The following PLPP4 variants were observed in gnomAD, a reference collection of about 807,000 sequenced individuals.
PLPP4 encodes the protein diacylglycerol pyrophosphate like 2.
A neutral mutation model predicts 32.2 loss-of-function variants in PLPP4; 20 were observed. The observed-to-expected ratio is 0.62, with a 90% CI of 0.44 to 0.90. The LOEUF is 0.90. PLPP4 is among the 40% of genes least tolerant of loss of function. The pLI is 0.00. For missense variants in PLPP4, 257 were observed against 353.1 expected (o/e 0.73, Z 2.18); for synonymous variants, 127 against 133.0 (o/e 0.95, Z 0.31).
chr10:120,529,014 T>G (rs1303620522), intron 5 of PLPP4, among the ~76,000 whole-genome samples: 1 of 151,904 alleles, frequency 6.6e-6, no homozygotes, highest in Non-Finnish European at 1.5e-5. Context: ...CCTAAATAAC[T>G]GTCATTTCTA....
intron 6 of PLPP4, among the ~76,000 whole-genome samples, chr10:120,581,947 G>T (rs182403801): frequency 1.1e-3 from 173 of 152,300 alleles, no homozygotes; most frequent in African/African-American, 4.1e-3. Context: ...GCTGTATGTG[G>T]CCATGAGATC....
intron 5 of PLPP4, among the ~76,000 whole-genome samples, chr10:120,536,523 A>G (rs146005666): frequency 0.012 from 1,828 of 152,168 alleles, 26 homozygotes; most frequent in Non-Finnish European, 0.013. Flanking sequence ...ATCTTATATC[A>G]TACACAAAAA....
At chr10:120,491,169 A>G (rs1477020860) in intron 1 of PLPP4, among the ~76,000 whole-genome samples, 1 of 152,274 alleles carries the variant, frequency 6.6e-6, no homozygotes, top group East Asian at 1.9e-4. Flanking sequence ...GCTAAGGTGC[A>G]TCTGAGCTCT....
At chr10:120,587,881 C>T (rs1038156362) in intron 6 of PLPP4, among the ~76,000 whole-genome samples, 1 of 152,230 alleles carries the variant, frequency 6.6e-6, no homozygotes, top group Non-Finnish European at 1.5e-5. Flanking sequence ...AGCACTGATC[C>T]TTCAGGAAAA....
At position 120,574,182 on chromosome 10, in the gene PLPP4, T is replaced by TA. The variant is rs1849096369; in HGVS notation, c.446-949_446-948insA. On this transcript the variant is annotated intron_variant, in intron 5 of 6. Transcript: ENST00000398250. ...CACACACACACACTCTCTCTCTCTC[T>TA]CTCTCTCTCTCTCTCTCTCTCTCTC... 2.0e-4 allele frequency among the ~76,000 whole-genome samples: 21 copies of TA among 104,700 alleles called. No homozygotes were observed. In the South Asian group the frequency reaches 9.0e-3, roughly 45 times the overall value. 68.7% of individuals were successfully genotyped at this position (104,700 alleles called of 152,430 possible).
chr10:120,565,315 G>GGTGTGTGTGT (rs58655566), intron 5 of PLPP4, among the ~76,000 whole-genome samples: 40 of 142,604 alleles, frequency 2.8e-4, no homozygotes, highest in Non-Finnish European at 4.3e-4. Flanking sequence ...TTGTTTGTGT[G>GGTGTGTGTGT]GTGTGTGTGT....
At chr10:120,573,825 G>A (rs980753698) in intron 5 of PLPP4, among the ~76,000 whole-genome samples, 1 of 152,174 alleles carries the variant, frequency 6.6e-6, no homozygotes. Flanking sequence ...CTCAGCAGGT[G>A]TGGGTTGGAC....
At chr10:120,554,063 A>C (rs1322049084) in intron 5 of PLPP4, among the ~76,000 whole-genome samples, 1 of 152,148 alleles carries the variant, frequency 6.6e-6, no homozygotes, top group Non-Finnish European at 1.5e-5. Context: ...CAACTTTCTA[A>C]ATTTTTATGT....
At chr10:120,506,307 A>G (rs888095308) in intron 2 of PLPP4, among the ~76,000 whole-genome samples, 1 of 152,228 alleles carries the variant, frequency 6.6e-6, no homozygotes, top group African/African-American at 2.4e-5. Flanking sequence ...TATAATACCT[A>G]TAACACAAAG....
At chr10:120,531,895 CATAT>C (rs1554889480) in intron 5 of PLPP4, among the ~76,000 whole-genome samples, 1 of 140,370 alleles carries the variant, frequency 7.1e-6, no homozygotes, top group South Asian at 2.4e-4. Flanking sequence ...CACACACACA[CATAT>C]ATATATATAT....
chr10:120,574,164 ACACACT>A (rs59533157), intron 5 of PLPP4, among the ~76,000 whole-genome samples: 392 of 67,564 alleles, frequency 5.8e-3, no homozygotes, highest in East Asian at 9.8e-3. Context: ...ACACACACAC[ACACACT>A]CTCTCTCTCT....
chr10:120,478,298 T>G (rs1421117037), intron 1 of PLPP4, among the ~76,000 whole-genome samples: 1 of 152,300 alleles, frequency 6.6e-6, no homozygotes, highest in East Asian at 1.9e-4. Context: ...CTGGCCTGTT[T>G]CCCCAGGTGC....
intron 5 of PLPP4, among the ~76,000 whole-genome samples, chr10:120,523,099 C>T (rs532086459): frequency 6.6e-6 from 1 of 152,244 alleles, no homozygotes; most frequent in African/African-American, 2.4e-5. Flanking sequence ...AGATGAAGAC[C>T]ATCCTGGCCA....
rs1402999940 is a variant in PLPP4 at position 120,513,922 on chromosome 10, C to G, written c.177C>G (p.Phe59Leu). 3.1e-6 allele frequency: 5 copies of G among 1,613,738 alleles called. No homozygotes were observed. The African/African-American group carries it at 5.3e-5, about 17-fold the overall frequency. Residue 59 changes from phenylalanine (F) to leucine (L), a missense_variant, in exon 3 of 7, where the codon TTC becomes TTG. Physicochemically the swap from Phe to Leu is conservative, Grantham distance 22. Transcript: ENST00000398250. ...GTTATTTCTTCCAGGCAATTTCTTT[C>G]CTCACACCCCTGGCTGTTATTTGTG... ...IPTRLMFAIS[F>L]LTPLAVICVV...
chr10:120,543,595 T>A (rs1377041976), intron 5 of PLPP4, among the ~76,000 whole-genome samples: 1 of 152,068 alleles, frequency 6.6e-6, no homozygotes. Context: ...AAGGTGTAGA[T>A]TTTTTGGGTG....
chr10:120,485,520 G>A (rs1370873100), intron 1 of PLPP4, among the ~76,000 whole-genome samples: 2 of 152,190 alleles, frequency 1.3e-5, no homozygotes, highest in Non-Finnish European at 2.9e-5. Flanking sequence ...ACTGCCTGCT[G>A]GCTTAACTCA....
chr10:120,539,111 A>G (rs1589843722), intron 5 of PLPP4, among the ~76,000 whole-genome samples: 1 of 152,096 alleles, frequency 6.6e-6, no homozygotes, highest in Admixed American at 6.6e-5. Flanking sequence ...GTCCCTGCAC[A>G]CCTGTCTGAT....
chr10:120,509,245 C>T (rs1001853196), intron 2 of PLPP4, among the ~76,000 whole-genome samples: 4 of 152,144 alleles, frequency 2.6e-5, no homozygotes, highest in Admixed American at 6.5e-5. Flanking sequence ...ATATTATTAT[C>T]GTCATACCCA....
chr10:120,521,385 T>C (rs1846148355), intron 5 of PLPP4, among the ~76,000 whole-genome samples: 1 of 152,244 alleles, frequency 6.6e-6, no homozygotes, highest in Admixed American at 6.5e-5. Context: ...AAGGGAATTC[T>C]CTACGCTCCC....
Sources: allele counts gnomAD v4.1 joint callset (sites outside exome capture counted in the v4.1 genomes callset), GRCh38; gene constraint gnomAD v4.1.1; transcripts MANE v1.5; gene names NCBI Gene and HGNC (gene_info 2026-07-23, HGNC 2026-07-21).